TBC1D30: variants seen among roughly 807,000 people sequenced by gnomAD.
TBC1D30 encodes TBC1 domain family, member 30.
TBC1D30 carries 31 observed loss-of-function variants against 63.2 expected under a neutral mutation model. That is an observed-to-expected ratio of 0.49 (90% CI 0.37 to 0.66). The LOEUF (loss-of-function observed/expected upper bound fraction) is 0.66. TBC1D30 is among the 30% of genes least tolerant of loss of function. TBC1D30 has a pLI of 0.00. For synonymous variants in TBC1D30, 307 were observed against 361.5 expected (o/e 0.85, Z 1.71); for missense variants, 810 against 953.6 (o/e 0.85, Z 1.98).
At chr12:64,785,812 T>G (rs1871534970) in intron 1 of TBC1D30, 1 of 1,184,816 alleles carries the variant, frequency 8.4e-7, no homozygotes, top group Non-Finnish European at 1.1e-6. Flanking sequence ...ATCTTTGGAC[T>G]AATATCACAC....
chr12:64,761,611 C>T (rs1870515871), intron 1 of TBC1D30, among the ~76,000 whole-genome samples: 1 of 152,166 alleles, frequency 6.6e-6, no homozygotes, highest in Non-Finnish European at 1.5e-5. Context: ...TCCCACCCAG[C>T]GCCATGACAG....
intron 2 of TBC1D30, among the ~76,000 whole-genome samples, chr12:64,790,855 T>C (rs1219721357): frequency 6.6e-6 from 1 of 152,164 alleles, no homozygotes; most frequent in African/African-American, 2.4e-5. Flanking sequence ...GCACTAAAAC[T>C]CAACATTTTC....
intron 7 of TBC1D30, among the ~76,000 whole-genome samples, chr12:64,840,004 C>CAAAAAAAAAAAAAAAAAAAAAAAA (rs60440376): frequency 1.0e-4 from 10 of 98,322 alleles, no homozygotes; most frequent in African/African-American, 4.1e-4. Flanking sequence ...GACTCTGTCT[C>CAAAAAAAAAAAAAAAAAAAAAAAA]AAAAAAAAAA....
chr12:64,857,363 G>A (rs1051800975), intron 8 of TBC1D30, among the ~76,000 whole-genome samples: 1 of 152,084 alleles, frequency 6.6e-6, no homozygotes, highest in African/African-American at 2.4e-5. Context: ...TTTGGCCCAG[G>A]GTGTGGCTGG....
At chr12:64,833,120 T>G (rs1297852509) in intron 5 of TBC1D30, among the ~76,000 whole-genome samples, 5 of 152,230 alleles carry the variant, frequency 3.3e-5, no homozygotes, top group African/African-American at 1.2e-4. Context: ...TTGATTGGAT[T>G]GCCTTATTGA....
intron 9 of TBC1D30, 31 bp from the exon 10 acceptor site, chr12:64,866,733 T>A: frequency 4.6e-6 from 7 of 1,529,934 alleles, no homozygotes; most frequent in Non-Finnish European, 6.1e-6. Flanking sequence ...TTTCTTTGTA[T>A]ATTTCTTTTT....
At chr12:64,852,659 G>A (rs1054091434) in intron 8 of TBC1D30, among the ~76,000 whole-genome samples, 1 of 152,110 alleles carries the variant, frequency 6.6e-6, no homozygotes, top group African/African-American at 2.4e-5. Context: ...GTGACCTTCG[G>A]ATGGGGTTTT....
chr12:64,797,420 A>T (rs1872344305), intron 2 of TBC1D30, among the ~76,000 whole-genome samples: 1 of 152,184 alleles, frequency 6.6e-6, no homozygotes, highest in South Asian at 2.1e-4. Context: ...TTGTGTACAT[A>T]TTTAACTTAT....
chr12:64,777,806 C>T (rs958858987), upstream of TBC1D30, among the ~76,000 whole-genome samples: 12 of 152,238 alleles, frequency 7.9e-5, no homozygotes, highest in Non-Finnish European at 1.6e-4. Flanking sequence ...GTTGCCCAGG[C>T]CGGAGTGCAG....
chr12:64,812,162 A>G (rs918474731), intron 2 of TBC1D30, among the ~76,000 whole-genome samples: 5 of 152,198 alleles, frequency 3.3e-5, no homozygotes, highest in Admixed American at 1.3e-4. Context: ...TTATCTACTT[A>G]TATTTATATG....
intron 3 of TBC1D30, among the ~76,000 whole-genome samples, chr12:64,829,567 A>G (rs915381093): frequency 3.9e-5 from 6 of 152,120 alleles, no homozygotes; most frequent in African/African-American, 1.4e-4. Flanking sequence ...TAAGGTTGAC[A>G]TGCCTATTAG....
intron 7 of TBC1D30, among the ~76,000 whole-genome samples, 157 bp downstream of exon 7, chr12:64,839,008 C>A (rs1875609518): frequency 6.6e-6 from 1 of 152,216 alleles, no homozygotes; most frequent in African/African-American, 2.4e-5. Flanking sequence ...TCATTGCTGG[C>A]ACATACAGTC....
At chr12:64,782,105 C>T (rs1375620792) in intron 1 of TBC1D30, among the ~76,000 whole-genome samples, 3 of 151,530 alleles carry the variant, frequency 2.0e-5, no homozygotes, top group Non-Finnish European at 2.9e-5. Context: ...TAATAGCTTG[C>T]CTTTCAGGCA....
rs556507089 is a variant in TBC1D30 at position 64,825,242 on chromosome 12, C to T, written c.154+209C>T. 2.3e-5 allele frequency: 13 copies of T among 556,218 alleles called. No homozygotes were observed. The South Asian group carries it at 4.6e-4, about 19-fold the overall frequency. The allele number at this position is 556,218 out of a possible 1,614,324, so 34.5% of individuals were successfully genotyped here. Reference sequence around the variant, plus strand: ...GGGCCTGGGTGGGGCAGCGGCCACCCCAGGCGCGGAGAACCCGCTGCTTCC... The same window carrying T: ...GGGCCTGGGTGGGGCAGCGGCCACCTCAGGCGCGGAGAACCCGCTGCTTCC... On this transcript the variant is annotated intron_variant, in intron 1 of 11. Coordinates refer to ENST00000539867, the MANE Select transcript of TBC1D30 (RefSeq NM_015279.2).
At chr12:64,760,723 G>C (rs1477025684) in intron 1 of TBC1D30, among the ~76,000 whole-genome samples, 1 of 145,630 alleles carries the variant, frequency 6.9e-6, no homozygotes, top group East Asian at 2.0e-4. Context: ...AACTATTCCA[G>C]AACTTAAAGT....
intron 7 of TBC1D30, among the ~76,000 whole-genome samples, 197 bp from the exon 8 acceptor site, chr12:64,843,183 A>G (rs939041509): frequency 6.6e-6 from 1 of 152,108 alleles, no homozygotes; most frequent in African/African-American, 2.4e-5. Context: ...GATTTTTAAA[A>G]TTATTTGGAG....
In TBC1D30 at chr12:64,785,733, G is replaced by A. The variant is rs145684215; in HGVS notation, c.479-148G>A. 7.0e-4 allele frequency: 323 copies of A among 459,770 alleles called. 1 individual carries two copies. Among genetic ancestry groups the A allele is most frequent in the African/African-American group, 5.8e-3 (285 of 48,850 alleles). 28.5% of individuals were successfully genotyped at this position (459,770 alleles called of 1,614,324 possible). A position where few individuals can be genotyped will look rare whatever the true frequency, so the allele number is the denominator to read the frequency against. On this transcript the variant is annotated intron_variant, in intron 1 of 12. Coordinates refer to the TBC1D30 transcript ENST00000542120. ...AGTGACTTATTTGATCGGAATGTCCGAGCTGAATGCATACATGTAATCTTG... is the reference window on the plus strand; with the variant it reads ...AGTGACTTATTTGATCGGAATGTCCAAGCTGAATGCATACATGTAATCTTG...
At chr12:64,843,575 C>G (rs1876093810) in intron 8 of TBC1D30, 90 bp downstream of exon 8, 3 of 916,190 alleles carry the variant, frequency 3.3e-6, no homozygotes, top group South Asian at 1.5e-5. Context: ...GAGAAATGTG[C>G]TTGGTTAGCT....
chr12:64,828,803 G>A (rs183901028), intron 3 of TBC1D30, among the ~76,000 whole-genome samples: 112 of 152,278 alleles, frequency 7.4e-4, no homozygotes, highest in African/African-American at 2.6e-3. Flanking sequence ...AAAATAAAGT[G>A]TAGAGAGAAA....
Sources: gnomAD v4.1 joint callset for allele counts (sites outside exome capture counted in the v4.1 genomes callset) on GRCh38, gnomAD v4.1.1 for gene constraint, MANE v1.5 for transcripts, NCBI Gene and HGNC (gene_info 2026-07-23, HGNC 2026-07-21) for gene names.